Variants in LYRM4 observed in about 807,000 individuals in gnomAD.
The protein encoded by LYRM4 is LYR motif containing 4.
In LYRM4, 9 loss-of-function variants were observed where a neutral mutation model predicts 11.7. The ratio of observed to expected loss-of-function variants is 0.77; its 90% CI spans 0.46 to 1.34. LYRM4 has a LOEUF of 1.34. Among genes scored for constraint, LYRM4 ranks in the 40% most tolerant of loss-of-function variants. LYRM4 has a pLI of 0.00. For missense variants in LYRM4, 133 were observed against 112.5 expected, an observed-to-expected ratio of 1.18 and a Z score of -0.82; for synonymous variants, 42 against 40.4, an observed-to-expected ratio of 1.04 and a Z score of -0.15.
At chr6:5,204,586 C>A (rs565159740) in intron 2 of LYRM4, among the ~76,000 whole-genome samples, 1 of 152,306 alleles carries the variant, frequency 6.6e-6, no homozygotes, top group South Asian at 2.1e-4. Context: ...CTAGTCAGAG[C>A]CTCACAAGGA....
At chr6:5,258,647 T>A (rs984657557) in intron 1 of LYRM4, among the ~76,000 whole-genome samples, 1 of 152,226 alleles carries the variant, frequency 6.6e-6, no homozygotes, top group African/African-American at 2.4e-5. Flanking sequence ...AGGGAGGTAA[T>A]AGCAGGAATG....
At chr6:5,245,059 A>C in intron 1 of LYRM4, among the ~76,000 whole-genome samples, 1 of 135,014 alleles carries the variant, frequency 7.4e-6, no homozygotes. Flanking sequence ...GGACAAAGGA[A>C]TCATGCTGAC....
intron 2 of LYRM4, among the ~76,000 whole-genome samples, chr6:5,185,031 G>A (rs964493351): frequency 6.6e-6 from 1 of 152,126 alleles, no homozygotes; most frequent in African/African-American, 2.4e-5. Flanking sequence ...GCTTGTCATT[G>A]ACGCACTGAA....
the LYRM4 span, among the ~76,000 whole-genome samples, chr6:5,060,888 C>A: frequency 6.6e-6 from 1 of 152,196 alleles, no homozygotes; most frequent in East Asian, 1.9e-4. Context: ...ATTCTGCCCA[C>A]CCCATAGCCA....
At chr6:5,097,533 T>G in the LYRM4 span, among the ~76,000 whole-genome samples, 1 of 152,180 alleles carries the variant, frequency 6.6e-6, no homozygotes, top group Non-Finnish European at 1.5e-5. Context: ...TGATTTTTTG[T>G]AGAGATGGCA....
chr6:5,145,953 T>G lies in LYRM4; in HGVS notation c.208-36462A>C, dbSNP rs115393653. 6.9e-3 allele frequency among the ~76,000 whole-genome samples: 1,049 copies of G among 152,312 alleles called. 12 individuals carry two copies. Among genetic ancestry groups the G allele is most frequent in the African/African-American group, 0.023 (970 of 41,552 alleles). On this transcript the variant is annotated intron_variant, in intron 2 of 2. Coordinates refer to ENST00000330636, the MANE Select transcript of LYRM4 (RefSeq NM_020408.6). Reference sequence around the variant, plus strand: ...CCGTCAAATGATCTCTTGCTTGGATTAGGTTTCTGCCTGGACACTATGCCT... The same window carrying G: ...CCGTCAAATGATCTCTTGCTTGGATGAGGTTTCTGCCTGGACACTATGCCT...
At position 5,144,480 on chromosome 6, in the gene LYRM4, A is replaced by T. The variant is rs557062161; in HGVS notation, c.208-34989T>A. ...GTGAATCCCCGTCTCTACTAAAAAC[A>T]CAAAAAATTAGCCGGGCATGGCGGT... On this transcript the variant is annotated intron_variant, in intron 2 of 2. Coordinates refer to ENST00000330636, the MANE Select transcript of LYRM4 (RefSeq NM_020408.6). 3.2e-3 allele frequency among the ~76,000 whole-genome samples: 491 copies of T among 152,012 alleles called. 3 individuals are homozygous for T. The highest frequency in any genetic ancestry group is 3.8e-3 in the Non-Finnish European group (258 of 67,974).
the LYRM4 span, among the ~76,000 whole-genome samples, chr6:5,091,111 G>A: frequency 1.3e-5 from 2 of 152,178 alleles, no homozygotes; most frequent in African/African-American, 2.4e-5. Flanking sequence ...CTGGCAACAC[G>A]GATTATTTGC....
At chr6:5,034,871 T>C in the LYRM4 span, among the ~76,000 whole-genome samples, 49 of 150,944 alleles carry the variant, frequency 3.2e-4, no homozygotes, top group Non-Finnish European at 6.0e-4. Flanking sequence ...CTGGCTCTCA[T>C]GTTCCAGAAG....
At chr6:5,238,180 T>C (rs537053560) in intron 1 of LYRM4, among the ~76,000 whole-genome samples, 1 of 152,308 alleles carries the variant, frequency 6.6e-6, no homozygotes, top group South Asian at 2.1e-4. Context: ...TGGTTAAAAA[T>C]ATATCGAAAT....
chr6:5,162,514 A>AGG (rs1327486988), intron 2 of LYRM4, among the ~76,000 whole-genome samples: 1 of 151,946 alleles, frequency 6.6e-6, no homozygotes, highest in Non-Finnish European at 1.5e-5. Context: ...AGAGAGAGAG[A>AGG]GAGAGAGAAA....
chr6:5,116,372 T>C (rs956560817), intron 2 of LYRM4, among the ~76,000 whole-genome samples: 2 of 152,192 alleles, frequency 1.3e-5, no homozygotes, highest in Non-Finnish European at 2.9e-5. Context: ...AAATACTCAG[T>C]TCACACAGGG....
chr6:5,257,920 T>A (rs1341419663), intron 1 of LYRM4, among the ~76,000 whole-genome samples: 1 of 152,166 alleles, frequency 6.6e-6, no homozygotes, highest in Non-Finnish European at 1.5e-5. Context: ...CACACAGCAA[T>A]GAGACCTGTT....
the LYRM4 span, among the ~76,000 whole-genome samples, chr6:5,039,608 T>C: frequency 1.3e-5 from 2 of 152,360 alleles, no homozygotes; most frequent in African/African-American, 4.8e-5. Flanking sequence ...TCTGATATTT[T>C]GTAATCCTGC....
chr6:5,044,062 C>G, the LYRM4 span, among the ~76,000 whole-genome samples: 3 of 152,144 alleles, frequency 2.0e-5, no homozygotes, highest in Non-Finnish European at 4.4e-5. Context: ...TAATCCTCTC[C>G]GTTGGCCTTA....
At chr6:5,045,038 TG>T in the LYRM4 span, among the ~76,000 whole-genome samples, 2 of 152,214 alleles carry the variant, frequency 1.3e-5, no homozygotes, top group African/African-American at 4.8e-5. Context: ...TCATCATCCT[TG>T]TACCATGTTG....
At chr6:5,058,606 C>T in the LYRM4 span, among the ~76,000 whole-genome samples, 1 of 152,328 alleles carries the variant, frequency 6.6e-6, no homozygotes, top group Admixed American at 6.5e-5. Flanking sequence ...GGGGGGAACC[C>T]ATGGGCACCC....
chr6:5,070,884 A>T, the LYRM4 span, among the ~76,000 whole-genome samples: 1 of 149,742 alleles, frequency 6.7e-6, no homozygotes, highest in Admixed American at 6.7e-5. Flanking sequence ...AAAAAAAAAA[A>T]AAAAAAGGTT....
At chr6:5,073,464 T>TA in the LYRM4 span, among the ~76,000 whole-genome samples, 96 of 148,920 alleles carry the variant, frequency 6.4e-4, no homozygotes, top group African/African-American at 2.2e-3. Flanking sequence ...TGTATATATA[T>TA]TTTTTTTCCT....
Sources: allele counts gnomAD v4.1 joint callset (sites outside exome capture counted in the v4.1 genomes callset), GRCh38; gene constraint gnomAD v4.1.1; transcripts MANE v1.5; gene names NCBI Gene and HGNC (gene_info 2026-07-23, HGNC 2026-07-21).